DENND1B: variants seen among roughly 807,000 people sequenced by gnomAD.
DENND1B encodes DENN domain containing 1B.
DENND1B carries 59 observed loss-of-function variants against 90.1 expected under a neutral mutation model. The ratio of observed to expected loss-of-function variants is 0.65; its 90% CI spans 0.53 to 0.81. The LOEUF (loss-of-function observed/expected upper bound fraction) is 0.81. Among genes scored for constraint, DENND1B ranks in the 40% least tolerant of loss-of-function variants. The probability of loss-of-function intolerance (pLI) is 0.00; values close to 1 mark genes in which losing one functional copy is unlikely to be tolerated. For missense variants in DENND1B, 862 were observed against 912.6 expected (o/e 0.94, Z 0.71); for synonymous variants, 337 against 324.6 (o/e 1.04, Z -0.41).
At chr1:197,728,863 T>C (rs752612825) in intron 2 of DENND1B, among the ~76,000 whole-genome samples, 4 of 152,150 alleles carry the variant, frequency 2.6e-5, no homozygotes, top group African/African-American at 4.8e-5. Flanking sequence ...TAACTCCATA[T>C]ACTAAAACCA....
intron 3 of DENND1B, among the ~76,000 whole-genome samples, chr1:197,702,447 A>T (rs1336422478): frequency 6.6e-6 from 1 of 152,208 alleles, no homozygotes; most frequent in Non-Finnish European, 1.5e-5. Context: ...AACCAAACTT[A>T]ATCACTATTC....
chr1:197,696,235 T>A (rs1420053760), intron 3 of DENND1B, among the ~76,000 whole-genome samples: 2 of 151,548 alleles, frequency 1.3e-5, no homozygotes, highest in Non-Finnish European at 3.0e-5. Flanking sequence ...TGTTTTTGTA[T>A]AATACATAAT....
the DENND1B span, among the ~76,000 whole-genome samples, chr1:197,781,311 C>T: frequency 2.6e-5 from 4 of 152,124 alleles, no homozygotes; most frequent in Non-Finnish European, 4.4e-5. Context: ...CCAAGTCAGG[C>T]ATTTCCTAGA....
intron 3 of DENND1B, among the ~76,000 whole-genome samples, chr1:197,707,000 G>C (rs185589501): frequency 3.4e-4 from 52 of 152,202 alleles, no homozygotes; most frequent in African/African-American, 1.2e-3. Flanking sequence ...CCAAGATATG[G>C]AATCAACCTA....
At chr1:197,559,107 A>G (rs1671949017) in intron 15 of DENND1B, among the ~76,000 whole-genome samples, 1 of 151,944 alleles carries the variant, frequency 6.6e-6, no homozygotes, top group South Asian at 2.1e-4. Flanking sequence ...TTAATTATTT[A>G]CCAGTCAGTG....
At chr1:197,595,095 T>C in intron 14 of DENND1B, 113 bp downstream of exon 14, 1 of 1,344,194 alleles carries the variant, frequency 7.4e-7, no homozygotes, top group Non-Finnish European at 9.9e-7. Flanking sequence ...TCTTAAAAGA[T>C]TTCCATGATA....
At chr1:197,597,504 G>A (rs900244695) in intron 13 of DENND1B, among the ~76,000 whole-genome samples, 2 of 151,658 alleles carry the variant, frequency 1.3e-5, no homozygotes, top group Non-Finnish European at 3.0e-5. Context: ...AATAAAACAT[G>A]AAATTCACAA....
chr1:197,747,157 C>T lies in DENND1B; in HGVS notation c.82+25711G>A, dbSNP rs565123776. 1.2e-4 allele frequency: 95 copies of T among 764,210 alleles called. 1 individual carries two copies. In the South Asian group the frequency reaches 1.3e-3, roughly 11 times the overall value. The allele number at this position is 764,210 out of a possible 1,614,324, so 47.3% of individuals were successfully genotyped here. A position where few individuals can be genotyped will look rare whatever the true frequency, so the allele number is the denominator to read the frequency against. Reference sequence around the variant, plus strand: ...TTTTCTGGAGCGTTTTCTTTTTTTCCCTCTGAATCTTGAGGTTGCGTTTTT... The same window carrying T: ...TTTTCTGGAGCGTTTTCTTTTTTTCTCTCTGAATCTTGAGGTTGCGTTTTT... On this transcript the variant is annotated intron_variant, in intron 2 of 22. Coordinates refer to ENST00000620048, the MANE Select transcript of DENND1B (RefSeq NM_001195215.2).
At chr1:197,540,127 C>T (rs770630860) in intron 19 of DENND1B, 56 bp from the exon 20 acceptor site, 646 of 1,205,252 alleles carry the variant, frequency 5.4e-4, no homozygotes, top group Non-Finnish European at 6.2e-4. Context: ...TTATTACTAA[C>T]GTATTAGATT....
intron 18 of DENND1B, among the ~76,000 whole-genome samples, chr1:197,543,243 G>A (rs1461745099): frequency 6.6e-6 from 1 of 152,048 alleles, no homozygotes; most frequent in East Asian, 1.9e-4. Context: ...CCAAAGAATA[G>A]AATTTTTAAT....
intron 18 of DENND1B, among the ~76,000 whole-genome samples, chr1:197,543,129 TTCACC>T (rs1289037118): frequency 2.0e-5 from 3 of 151,992 alleles, no homozygotes; most frequent in Non-Finnish European, 4.4e-5. Flanking sequence ...GAGATGGGGT[TTCACC>T]ATGTTGGCCA....
In DENND1B at chr1:197,733,267, TAAGC is replaced by T. The variant is rs552151222; in HGVS notation, c.83-18197_83-18194del. Among the ~76,000 whole-genome samples the T allele has an allele frequency of 7.6e-3, 1,154 of 152,272 alleles. 11 individuals carry two copies. Among genetic ancestry groups the T allele is most frequent in the Non-Finnish European group, 0.013 (894 of 67,998 alleles). On this transcript the variant is annotated intron_variant, in intron 2 of 22. Coordinates refer to ENST00000620048, the MANE Select transcript of DENND1B (RefSeq NM_001195215.2). The stretch of plus-strand genomic sequence containing the variant: ...AAGTTTAAACACCTATGTTTAAGAA[TAAGC>T]ACAAAAAAAAATTAGAAATATGCAT...
intron 15 of DENND1B, among the ~76,000 whole-genome samples, chr1:197,574,195 T>A (rs556773828): frequency 1.4e-4 from 21 of 152,250 alleles, no homozygotes; most frequent in Non-Finnish European, 2.2e-4. Context: ...GAAAACCCCA[T>A]CATCTCAGCC....
chr1:197,756,607 GC>G (rs1353365020), intron 2 of DENND1B, among the ~76,000 whole-genome samples: 1 of 134,024 alleles, frequency 7.5e-6, no homozygotes, highest in South Asian at 2.4e-4. Context: ...AAAAAAATAT[GC>G]CCCCATTAAA....
At chr1:197,518,074 C>T (rs754122246) in intron 20 of DENND1B, among the ~76,000 whole-genome samples, 12 of 151,842 alleles carry the variant, frequency 7.9e-5, no homozygotes, top group Non-Finnish European at 1.3e-4. Context: ...GGGCAGACCC[C>T]TTGCCTTGCT....
chr1:197,719,366 G>A (rs1660943257), intron 2 of DENND1B, among the ~76,000 whole-genome samples: 1 of 152,060 alleles, frequency 6.6e-6, no homozygotes, highest in South Asian at 2.1e-4. Context: ...CAGGAAGGTT[G>A]GAATTCAGAT....
At chr1:197,609,060 T>C (rs569043367) in intron 12 of DENND1B, among the ~76,000 whole-genome samples, 3 of 150,464 alleles carry the variant, frequency 2.0e-5, no homozygotes, top group East Asian at 3.9e-4. Flanking sequence ...TTTTTCTAAA[T>C]AGGCATTGGA....
At chr1:197,712,633 G>A (rs376880841) in intron 3 of DENND1B, among the ~76,000 whole-genome samples, 104 of 11,818 alleles carry the variant, frequency 8.8e-3, no homozygotes, top group East Asian at 0.077. Context: ...AAAAACCCTA[G>A]AAGAAAACCT....
chr1:197,763,737 C>T (rs531806586), intron 2 of DENND1B, among the ~76,000 whole-genome samples: 1 of 152,200 alleles, frequency 6.6e-6, no homozygotes, highest in Non-Finnish European at 1.5e-5. Flanking sequence ...CACAACTACC[C>T]GCAAGATCTC....
Sources: gnomAD v4.1 joint callset for allele counts (sites outside exome capture counted in the v4.1 genomes callset) on GRCh38, gnomAD v4.1.1 for gene constraint, MANE v1.5 for transcripts, NCBI Gene and HGNC (gene_info 2026-07-23, HGNC 2026-07-21) for gene names.